EML6: variants seen among roughly 807,000 people sequenced by gnomAD.
EML6 encodes the protein EMAP like 6.
EML6 carries 154 observed loss-of-function variants against 240.1 expected under a neutral mutation model. The ratio of observed to expected loss-of-function variants is 0.64; its 90% CI spans 0.56 to 0.73. The LOEUF (loss-of-function observed/expected upper bound fraction) is 0.73. Ranked by LOEUF, EML6 falls within the 30% of genes least tolerant of loss-of-function variation. The pLI is 0.00. For missense variants in EML6, 2,964 were observed against 2,474.6 expected, an observed-to-expected ratio of 1.20 and a Z score of -4.20; for synonymous variants, 1,148 against 899.0, an observed-to-expected ratio of 1.28 and a Z score of -4.95.
chr2:54,823,301 G>C (rs534219423), intron 5 of EML6, among the ~76,000 whole-genome samples: 1 of 152,042 alleles, frequency 6.6e-6, no homozygotes, highest in Non-Finnish European at 1.5e-5. Context: ...AGGAAGGGTC[G>C]GGAGGCAGAA....
chr2:54,837,163 G>C (rs766981725), intron 7 of EML6, among the ~76,000 whole-genome samples: 29 of 152,144 alleles, frequency 1.9e-4, no homozygotes, highest in Non-Finnish European at 8.8e-5. Flanking sequence ...AATAAGGTTA[G>C]GTTTACAGGA....
chr2:54,919,772 C>G (rs1002168910), intron 26 of EML6, among the ~76,000 whole-genome samples: 1 of 152,212 alleles, frequency 6.6e-6, no homozygotes, highest in African/African-American at 2.4e-5. Flanking sequence ...CCCTACCTGA[C>G]AAGGTGGCTT....
At chr2:54,827,772 A>G in intron 6 of EML6, 21 bp downstream of exon 6, 1 of 1,528,338 alleles carries the variant, frequency 6.5e-7, no homozygotes, top group Non-Finnish European at 8.9e-7. Flanking sequence ...CCTTGTGGAA[A>G]TCTGTGGGTG....
At chr2:54,861,738 G>A (rs1670682485) in intron 12 of EML6, among the ~76,000 whole-genome samples, 1 of 151,490 alleles carries the variant, frequency 6.6e-6, no homozygotes, top group Admixed American at 6.6e-5. Flanking sequence ...CCTATACAAG[G>A]CCAGTCTGAC....
At chr2:54,872,039 G>A (rs192891330) in intron 16 of EML6, among the ~76,000 whole-genome samples, 2 of 152,288 alleles carry the variant, frequency 1.3e-5, no homozygotes, top group Non-Finnish European at 2.9e-5. Flanking sequence ...CAAAGTACTA[G>A]AGAGAAGGCT....
In EML6 at chr2:54,892,490, G is replaced by T. The variant is rs972466875; in HGVS notation, c.2576G>T (p.Ser859Ile). ...GFTSKRGTFGSVGKLETMMCV... is the reference protein window; with the variant it reads ...GFTSKRGTFGIVGKLETMMCV... ...ACTTCTAAAAGAGGAACTTTTGGAA[G>T]CGTTGGAAAATTGGAAACAATGATG... The change falls in exon 19 of 42, where the codon AGC becomes ATC. Residue 859 changes from serine (S) to isoleucine (I), a missense_variant. Transcript: ENST00000356458. 6.4e-7 allele frequency: 1 copy of T among 1,551,332 alleles called. No homozygotes were observed. Among genetic ancestry groups the T allele is most frequent in the Non-Finnish European group, 8.7e-7 (1 of 1,146,802 alleles).
chr2:54,876,803 T>C (rs925192510), intron 16 of EML6, among the ~76,000 whole-genome samples: 3 of 152,158 alleles, frequency 2.0e-5, no homozygotes, highest in Admixed American at 6.5e-5. Flanking sequence ...AGCTATCACA[T>C]CCATCACCTC....
chr2:54,968,457 A>T (rs141536225), intron 40 of EML6, among the ~76,000 whole-genome samples, 176 bp downstream of exon 40: 30 of 152,230 alleles, frequency 2.0e-4, no homozygotes, highest in South Asian at 4.1e-4. Context: ...GCCAGAAGGG[A>T]GGATGGAGGG....
intron 40 of EML6, 97 bp from the exon 41 acceptor site, chr2:54,968,571 A>G: frequency 2.6e-6 from 2 of 766,728 alleles, no homozygotes; most frequent in South Asian, 3.2e-5. Context: ...CAGTGAAGGA[A>G]GGTTCTGGGA....
chr2:54,792,891 A>G (rs1262497313), intron 2 of EML6, among the ~76,000 whole-genome samples: 1 of 152,222 alleles, frequency 6.6e-6, no homozygotes, highest in Non-Finnish European at 1.5e-5. Context: ...CTGTCAGACA[A>G]CAGAGGAGTT....
chr2:54,962,478 C>T (rs1202193534), intron 35 of EML6, 45 bp from the exon 36 acceptor site: 1 of 1,420,850 alleles, frequency 7.0e-7, no homozygotes, highest in Non-Finnish European at 9.5e-7. Context: ...TGAGTGCAGT[C>T]ATACAGTATT....
chr2:54,754,145 A>ATT (rs1188505738), intron 2 of EML6, among the ~76,000 whole-genome samples: 2 of 144,360 alleles, frequency 1.4e-5, no homozygotes, highest in African/African-American at 2.5e-5. Flanking sequence ...AAAAAAAAAA[A>ATT]TTTTTTTTTT....
In EML6 at chr2:54,869,220, AC is replaced by A; in HGVS notation, c.2092del (p.Gln698LysfsTer5). ...ACTGTAGAAACAATCTGTTCTACACACAAGCTGGAGAAGTAGTCTACCACAT... is the reference window on the plus strand; with the variant it reads ...ACTGTAGAAACAATCTGTTCTACACAAAGCTGGAGAAGTAGTCTACCACAT... ...YDCRNNLFYT[Q>X]AGEVVYHIAA... On this transcript the variant is annotated frameshift_variant, in exon 15 of 42. Coordinates refer to ENST00000356458, the MANE Select transcript of EML6 (RefSeq NM_001039753.4). LOFTEE classifies it high-confidence loss of function. 6.4e-7 allele frequency: 1 copy of A among 1,551,810 alleles called. No individual in the cohort carries two copies. Among genetic ancestry groups the A allele is most frequent in the Non-Finnish European group, 8.7e-7 (1 of 1,146,950 alleles).
chr2:54,885,140 G>C (rs1323361400), intron 17 of EML6, among the ~76,000 whole-genome samples: 2 of 151,412 alleles, frequency 1.3e-5, no homozygotes, highest in African/African-American at 2.4e-5. Flanking sequence ...CTGAGTGACA[G>C]AGTGAGATGC....
intron 28 of EML6, among the ~76,000 whole-genome samples, chr2:54,940,043 T>A (rs2104442525): frequency 6.6e-6 from 1 of 152,342 alleles, no homozygotes; most frequent in East Asian, 1.9e-4. Context: ...TGGCATATGT[T>A]CCTTAGGAAA....
intron 2 of EML6, among the ~76,000 whole-genome samples, chr2:54,761,719 G>A (rs1040128446): frequency 6.6e-6 from 1 of 152,054 alleles, no homozygotes; most frequent in African/African-American, 2.4e-5. Context: ...TAAAATATAA[G>A]TCTATTTAAA....
At chr2:54,813,595 T>C (rs1466288701) in intron 3 of EML6, among the ~76,000 whole-genome samples, 3 of 152,170 alleles carry the variant, frequency 2.0e-5, no homozygotes, top group East Asian at 1.9e-4. Flanking sequence ...TTTGTTCCCC[T>C]AGTCCCACCA....
chr2:54,861,703 C>G (rs1670680175), intron 12 of EML6, among the ~76,000 whole-genome samples: 1 of 151,858 alleles, frequency 6.6e-6, no homozygotes, highest in Non-Finnish European at 1.5e-5. Flanking sequence ...AAACCATTGG[C>G]CAGTCAGATT....
chr2:54,788,049 C>G (rs1263550532), intron 2 of EML6, among the ~76,000 whole-genome samples: 1 of 152,176 alleles, frequency 6.6e-6, no homozygotes, highest in East Asian at 1.9e-4. Flanking sequence ...ACATCAGAGT[C>G]AGGTAAATTA....
Sources: allele counts gnomAD v4.1 joint callset (sites outside exome capture counted in the v4.1 genomes callset), GRCh38; gene constraint gnomAD v4.1.1; transcripts MANE v1.5; gene names NCBI Gene and HGNC (gene_info 2026-07-23, HGNC 2026-07-21).